The following CTNNA2 variants were observed in gnomAD, a reference collection of about 807,000 sequenced individuals.
The protein encoded by CTNNA2 is catenin alpha-2.
In CTNNA2, 42 loss-of-function variants were observed where a neutral mutation model predicts 101.0. That is an observed-to-expected ratio of 0.42 (90% confidence interval 0.32 to 0.54). The LOEUF (loss-of-function observed/expected upper bound fraction) is 0.54, where lower values mean the gene tolerates loss of function less well. CTNNA2 is among the 20% of genes least tolerant of loss of function. The pLI, the probability that CTNNA2 is intolerant of heterozygous loss-of-function variation, is 0.14. For synonymous variants in CTNNA2, 450 were observed against 456.4 expected, an observed-to-expected ratio of 0.99 and a Z score of 0.18; for missense variants, 871 against 1,223.1, an observed-to-expected ratio of 0.71 and a Z score of 4.29.
At chr2:80,468,626 C>A (rs1383531729) in intron 9 of CTNNA2, among the ~76,000 whole-genome samples, 1 of 152,174 alleles carries the variant, frequency 6.6e-6, no homozygotes, top group Non-Finnish European at 1.5e-5. Context: ...CCATATTGGC[C>A]AGGCTGGTCT....
chr2:80,549,455 AT>A (rs994132700), intron 11 of CTNNA2, among the ~76,000 whole-genome samples: 5 of 151,920 alleles, frequency 3.3e-5, no homozygotes, highest in Admixed American at 6.6e-5. Context: ...GTCATCACTG[AT>A]TTTTTTTCAT....
chr2:79,997,705 G>T (rs1692656108), intron 7 of CTNNA2, among the ~76,000 whole-genome samples: 1 of 152,166 alleles, frequency 6.6e-6, no homozygotes, highest in Non-Finnish European at 1.5e-5. Context: ...CTGCTTCTCA[G>T]AACTCTTCTC....
At chr2:79,355,192 G>T (rs1328669540) in intron 3 of CTNNA2, among the ~76,000 whole-genome samples, 1 of 152,066 alleles carries the variant, frequency 6.6e-6, no homozygotes, top group Non-Finnish European at 1.5e-5. Context: ...TTTTGCTTAA[G>T]GTTGGTTTGG....
intron 3 of CTNNA2, among the ~76,000 whole-genome samples, chr2:79,758,362 A>G (rs971712413): frequency 8.5e-5 from 13 of 152,210 alleles, no homozygotes; most frequent in African/African-American, 3.1e-4. Context: ...AGTCTTCATT[A>G]ACTCTGGACC....
At chr2:79,451,817 C>T (rs1670757108) in intron 4 of CTNNA2, among the ~76,000 whole-genome samples, 1 of 150,956 alleles carries the variant, frequency 6.6e-6, no homozygotes, top group African/African-American at 2.4e-5. Flanking sequence ...TAAATGTATA[C>T]ATTATATTGT....
intron 2 of CTNNA2, among the ~76,000 whole-genome samples, chr2:79,208,096 A>T (rs956882063): frequency 6.6e-6 from 1 of 152,172 alleles, no homozygotes; most frequent in Non-Finnish European, 1.5e-5. Context: ...AGACTTACAG[A>T]TGATGCAGAT....
At chr2:79,532,568 T>C (rs138211991) in intron 1 of CTNNA2, among the ~76,000 whole-genome samples, 32 of 152,292 alleles carry the variant, frequency 2.1e-4, no homozygotes, top group African/African-American at 4.3e-4. Flanking sequence ...TCATTGGCTA[T>C]TATTGACAAA....
chr2:80,345,502 A>G (rs975878874), intron 7 of CTNNA2, among the ~76,000 whole-genome samples: 1 of 151,972 alleles, frequency 6.6e-6, no homozygotes, highest in African/African-American at 2.4e-5. Context: ...ATCATTTATC[A>G]TCATCTGGTG....
intron 7 of CTNNA2, among the ~76,000 whole-genome samples, chr2:80,009,401 T>G (rs2104009425): frequency 1.3e-5 from 2 of 152,290 alleles, no homozygotes; most frequent in Admixed American, 1.3e-4. Context: ...AGCTGCAATG[T>G]CTTTCACAGC....
At chr2:80,263,631 C>G (rs538158732) in intron 7 of CTNNA2, among the ~76,000 whole-genome samples, 1 of 152,176 alleles carries the variant, frequency 6.6e-6, no homozygotes, top group Non-Finnish European at 1.5e-5. Context: ...CCACTGCACC[C>G]GGCCATGTGT....
chr2:79,648,248 A>G (rs1444786792), intron 1 of CTNNA2, among the ~76,000 whole-genome samples: 1 of 152,114 alleles, frequency 6.6e-6, no homozygotes. Context: ...CAAATCATCA[A>G]TTCATATTTT....
At chr2:79,822,765 C>G (rs1252248222) in intron 3 of CTNNA2, among the ~76,000 whole-genome samples, 2 of 152,156 alleles carry the variant, frequency 1.3e-5, no homozygotes, top group Non-Finnish European at 2.9e-5. Flanking sequence ...AGACACACAC[C>G]TTATATCTGG....
intron 2 of CTNNA2, among the ~76,000 whole-genome samples, chr2:79,220,370 G>A (rs568242310): frequency 6.6e-6 from 1 of 152,174 alleles, no homozygotes; most frequent in African/African-American, 2.4e-5. Context: ...CTGTTTACAA[G>A]TGTGGCTTTG....
At chr2:80,122,296 T>C (rs1458517882) in intron 7 of CTNNA2, among the ~76,000 whole-genome samples, 1 of 151,368 alleles carries the variant, frequency 6.6e-6, no homozygotes, top group East Asian at 2.0e-4. Flanking sequence ...TCTCTCTCAA[T>C]CTCTCTTCCC....
intron 2 of CTNNA2, among the ~76,000 whole-genome samples, chr2:79,686,637 A>G (rs959108735): frequency 5.3e-5 from 8 of 152,182 alleles, no homozygotes; most frequent in Admixed American, 4.6e-4. Context: ...TAAATAAGGA[A>G]GAAAGTACAG....
intron 2 of CTNNA2, among the ~76,000 whole-genome samples, chr2:79,219,913 CT>C (rs1393807016): frequency 2.6e-5 from 4 of 152,138 alleles, no homozygotes; most frequent in Admixed American, 2.6e-4. Flanking sequence ...TCCTTTCTTC[CT>C]TTGTTCTGCT....
In CTNNA2 at chr2:80,212,215, C is replaced by A. The variant is rs534800061; in HGVS notation, c.1057-180996C>A. On this transcript the variant is annotated intron_variant, in intron 7 of 18. Transcript: ENST00000402739. ...CTAATTGAATACCCTTTATTTCTTT[C>A]TCCTGCCTGATTGCCCTGGCCAGAA... Among the ~76,000 whole-genome samples the A allele has an allele frequency of 7.2e-5, 11 of 152,272 alleles. No homozygotes were observed. In the East Asian group the frequency reaches 1.7e-3, roughly 24 times the overall value.
intron 6 of CTNNA2, among the ~76,000 whole-genome samples, chr2:79,907,555 A>T (rs75368132): frequency 6.6e-6 from 1 of 152,236 alleles, no homozygotes; most frequent in South Asian, 2.1e-4. Flanking sequence ...AATGAACCCT[A>T]TAGGGCCATC....
At chr2:79,522,607 T>G (rs1322914112) in intron 1 of CTNNA2, among the ~76,000 whole-genome samples, 1 of 152,162 alleles carries the variant, frequency 6.6e-6, no homozygotes, top group Non-Finnish European at 1.5e-5. Flanking sequence ...GTATTAGTAC[T>G]TTCAGATTCA....
Sources: allele counts gnomAD v4.1 joint callset (sites outside exome capture counted in the v4.1 genomes callset), GRCh38; gene constraint gnomAD v4.1.1; transcripts MANE v1.5; gene names NCBI Gene and HGNC (gene_info 2026-07-23, HGNC 2026-07-21).